The following PPM1E variants were observed in gnomAD, a reference collection of about 807,000 sequenced individuals.
The protein encoded by PPM1E is protein phosphatase 1E.
Under a neutral mutation model 65.9 loss-of-function variants are expected in PPM1E, and 20 were observed. The observed-to-expected ratio is 0.30, with a 90% CI of 0.21 to 0.44. The LOEUF (loss-of-function observed/expected upper bound fraction) is 0.44. Ranked by LOEUF, PPM1E falls within the 20% of genes least tolerant of loss-of-function variation. The pLI is 1.00. For missense variants in PPM1E, 713 were observed against 953.1 expected (o/e 0.75, Z 3.32); for synonymous variants, 352 against 374.9 (o/e 0.94, Z 0.70).
chr17:58,815,170 G>A (rs1276527650), intron 1 of PPM1E, among the ~76,000 whole-genome samples: 2 of 152,182 alleles, frequency 1.3e-5, no homozygotes, highest in Non-Finnish European at 2.9e-5. Context: ...ATGAGTTAGA[G>A]TGATAATAGG....
At chr17:58,844,577 C>T (rs1359538630) in intron 1 of PPM1E, among the ~76,000 whole-genome samples, 2 of 152,034 alleles carry the variant, frequency 1.3e-5, no homozygotes, top group African/African-American at 2.4e-5. Flanking sequence ...TGTAAATAGC[C>T]GAGGTGGGCA....
At chr17:58,868,908 T>G (rs1056760871) in intron 1 of PPM1E, among the ~76,000 whole-genome samples, 2 of 152,232 alleles carry the variant, frequency 1.3e-5, no homozygotes, top group Non-Finnish European at 2.9e-5. Context: ...GGCTCACATC[T>G]GTAATCCCAG....
At chr17:58,927,122 C>CTTTT (rs533990179) in intron 1 of PPM1E, among the ~76,000 whole-genome samples, 15 of 124,628 alleles carry the variant, frequency 1.2e-4, no homozygotes, top group Non-Finnish European at 2.0e-4. Flanking sequence ...GACTTTTAAA[C>CTTTT]TTTTTTTTTT....
intron 1 of PPM1E, among the ~76,000 whole-genome samples, chr17:58,827,135 C>CTTTTTT (rs34789176): frequency 9.6e-6 from 1 of 104,266 alleles, no homozygotes; most frequent in African/African-American, 3.9e-5. Flanking sequence ...AGTCCATGAT[C>CTTTTTT]TTTTTTTTTT....
chr17:58,794,603 C>T (rs908215756), intron 1 of PPM1E, among the ~76,000 whole-genome samples: 1 of 152,006 alleles, frequency 6.6e-6, no homozygotes, highest in African/African-American at 2.4e-5. Flanking sequence ...CTGTTGTTTC[C>T]TTCTTTGTGT....
At chr17:58,852,769 A>G (rs1211753391) in intron 1 of PPM1E, among the ~76,000 whole-genome samples, 1 of 151,808 alleles carries the variant, frequency 6.6e-6, no homozygotes, top group African/African-American at 2.4e-5. Flanking sequence ...ACATCCAGCT[A>G]ATTTTTATAT....
At chr17:58,833,743 C>T (rs1001245592) in intron 1 of PPM1E, among the ~76,000 whole-genome samples, 3 of 152,068 alleles carry the variant, frequency 2.0e-5, no homozygotes, top group Admixed American at 6.6e-5. Context: ...TGGGTATATA[C>T]CCAGTATGGG....
chr17:58,760,334 G>T (rs929409298), intron 1 of PPM1E, among the ~76,000 whole-genome samples: 3 of 152,116 alleles, frequency 2.0e-5, no homozygotes, highest in African/African-American at 4.8e-5. Flanking sequence ...GTCTAAAACA[G>T]AATTCAGTCC....
At chr17:58,871,644 G>A (rs908684151) in intron 1 of PPM1E, among the ~76,000 whole-genome samples, 17 of 151,932 alleles carry the variant, frequency 1.1e-4, no homozygotes, top group South Asian at 4.2e-4. Context: ...GCAAAACTCC[G>A]TCTCTACAAA....
At chr17:58,888,394 T>G (rs2051306301) in intron 1 of PPM1E, among the ~76,000 whole-genome samples, 1 of 141,348 alleles carries the variant, frequency 7.1e-6, no homozygotes, top group African/African-American at 2.7e-5. Context: ...AGACAGAGTC[T>G]TGTTCTGTCA....
chr17:58,810,901 A>G (rs1252628545), intron 1 of PPM1E, among the ~76,000 whole-genome samples: 1 of 152,030 alleles, frequency 6.6e-6, no homozygotes, highest in Admixed American at 6.6e-5. Flanking sequence ...TCTCTCACCC[A>G]GGCTGGAGTA....
intron 2 of PPM1E, among the ~76,000 whole-genome samples, chr17:58,960,144 T>C (rs2029985366): frequency 1.3e-5 from 2 of 152,206 alleles, no homozygotes; most frequent in Non-Finnish European, 2.9e-5. Flanking sequence ...GAACCTGGCA[T>C]TTCTCCAGCT....
At chr17:58,759,309 G>A (rs1358997330) in intron 1 of PPM1E, among the ~76,000 whole-genome samples, 2 of 152,130 alleles carry the variant, frequency 1.3e-5, no homozygotes, top group Non-Finnish European at 2.9e-5. Flanking sequence ...AATCCCCCAA[G>A]AGATTAAAAT....
intron 1 of PPM1E, among the ~76,000 whole-genome samples, chr17:58,929,816 T>G (rs2051869038): frequency 6.6e-6 from 1 of 152,150 alleles, no homozygotes; most frequent in African/African-American, 2.4e-5. Flanking sequence ...TGGATATAAG[T>G]TTTCACAGAA....
At chr17:58,955,886 A>G in intron 2 of PPM1E, 119 bp downstream of exon 2, 8 of 1,213,576 alleles carry the variant, frequency 6.6e-6, no homozygotes, top group Non-Finnish European at 8.8e-6. Context: ...TTGTTTATGT[A>G]GTGGTAGCAG....
At chr17:58,935,318 G>A (rs1391202167) in intron 1 of PPM1E, among the ~76,000 whole-genome samples, 1 of 152,032 alleles carries the variant, frequency 6.6e-6, no homozygotes, top group East Asian at 1.9e-4. Flanking sequence ...AAAGACATAC[G>A]GCATAAGAGG....
At chr17:58,814,654 A>T (rs1467076086) in intron 1 of PPM1E, among the ~76,000 whole-genome samples, 1 of 152,200 alleles carries the variant, frequency 6.6e-6, no homozygotes, top group Admixed American at 6.5e-5. Flanking sequence ...CACACAGACC[A>T]GGGGTTGACA....
At chr17:58,806,020 G>A (rs1381581471) in intron 1 of PPM1E, among the ~76,000 whole-genome samples, 4 of 132,970 alleles carry the variant, frequency 3.0e-5, no homozygotes, top group African/African-American at 8.8e-5. Context: ...ACTATATGTA[G>A]CATTTGATAC....
At chr17:58,870,559 T>C (rs1055089885) in intron 1 of PPM1E, among the ~76,000 whole-genome samples, 33 of 152,208 alleles carry the variant, frequency 2.2e-4, no homozygotes, top group Admixed American at 2.0e-3. Context: ...CTCCCACTTA[T>C]AAGTGAGAAC....
Sources: gnomAD v4.1 joint callset for allele counts (sites outside exome capture counted in the v4.1 genomes callset) on GRCh38, gnomAD v4.1.1 for gene constraint, MANE v1.5 for transcripts, NCBI Gene and HGNC (gene_info 2026-07-23, HGNC 2026-07-21) for gene names.